Variants in VSTM2L observed in about 807,000 individuals in gnomAD.
VSTM2L encodes the protein V-set and transmembrane domain-containing protein 2-like protein.
Under a neutral mutation model 19.9 loss-of-function variants are expected in VSTM2L, and 9 were observed. The observed-to-expected ratio is 0.45, with a 90% CI of 0.27 to 0.79. The LOEUF is 0.79. VSTM2L is among the 30% of genes least tolerant of loss of function. The pLI, the probability that VSTM2L is intolerant of heterozygous loss-of-function variation, is 0.15. For missense variants in VSTM2L, 286 were observed against 295.5 expected (o/e 0.97, Z 0.24); for synonymous variants, 127 against 133.8 (o/e 0.95, Z 0.35).
intron 3 of VSTM2L, 52 bp downstream of exon 3, chr20:37,933,641 T>C (rs774719832): frequency 6.3e-7 from 1 of 1,594,094 alleles, no homozygotes; most frequent in Non-Finnish European, 8.6e-7. Flanking sequence ...GGCACAGCTG[T>C]GACTTAAAAA....
At chr20:37,920,742 C>T (rs1384402571) in intron 1 of VSTM2L, among the ~76,000 whole-genome samples, 2 of 152,146 alleles carry the variant, frequency 1.3e-5, no homozygotes. Flanking sequence ...GGGCACAGTC[C>T]CCCCAGGAAA....
chr20:37,906,466 G>A (rs1168708964), intron 1 of VSTM2L, among the ~76,000 whole-genome samples: 1 of 152,220 alleles, frequency 6.6e-6, no homozygotes, highest in Non-Finnish European at 1.5e-5. Context: ...CAGCAGGGAT[G>A]GGAGGAAAAG....
intron 1 of VSTM2L, among the ~76,000 whole-genome samples, chr20:37,925,716 C>T (rs2072875750): frequency 6.6e-6 from 1 of 152,228 alleles, no homozygotes; most frequent in South Asian, 2.1e-4. Context: ...GTAGGCAGCT[C>T]CTGGCCAGCT....
At chr20:37,933,661 G>T (rs892203930) in intron 3 of VSTM2L, 72 bp downstream of exon 3, 10 of 1,486,784 alleles carry the variant, frequency 6.7e-6, no homozygotes, top group Middle Eastern at 1.7e-4. Flanking sequence ...AAAAATTGGG[G>T]TCCAGTTCAG....
At position 37,943,908 on chromosome 20, in the gene VSTM2L, A is replaced by ACCC. The variant is rs11365082; in HGVS notation, c.343-64_343-62dup. 95 of 178,306 alleles carry ACCC rather than the reference A, an allele frequency of 5.3e-4. 2 individuals carry two copies. The highest frequency in any genetic ancestry group is 3.5e-3 in the African/African-American group (90 of 25,496). The allele number at this position is 178,306 out of a possible 1,614,324, so 11.0% of individuals were successfully genotyped here. On this transcript the variant is annotated intron_variant, in intron 3 of 3. Coordinates refer to ENST00000373461, the MANE Select transcript of VSTM2L (RefSeq NM_080607.3). ...TCCCGTCCTAGCATGCGATCTTGGGACCCCCCCCCCCGACTCTTCTTCTCC... is the reference window on the plus strand; with the variant it reads ...TCCCGTCCTAGCATGCGATCTTGGGACCCCCCCCCCCCCCGACTCTTCTTCTCC...
rs75422860 is a variant in VSTM2L, at chr20:37,933,305, A to G, written c.292-234A>G. On this transcript the variant is annotated intron_variant, in intron 2 of 3. Transcript: ENST00000373461. Reference sequence around the variant, plus strand: ...TGTATCTAAATGCACAAATGTGGTCAGTTTTCTACATACCTCCATTATCTT... The same window carrying G: ...TGTATCTAAATGCACAAATGTGGTCGGTTTTCTACATACCTCCATTATCTT... Among the ~76,000 whole-genome samples, 1,153 of 152,348 alleles carry G rather than the reference A, an allele frequency of 7.6e-3. 6 individuals are homozygous for G. Among genetic ancestry groups the G allele is most frequent in the Non-Finnish European group, 0.013 (852 of 68,024 alleles).
At chr20:37,919,544 G>T (rs1004093926) in intron 1 of VSTM2L, among the ~76,000 whole-genome samples, 1 of 152,240 alleles carries the variant, frequency 6.6e-6, no homozygotes, top group Non-Finnish European at 1.5e-5. Flanking sequence ...ACAGGCGGTT[G>T]GGCTGGGACC....
At chr20:37,927,736 G>A (rs2072886579) in intron 1 of VSTM2L, among the ~76,000 whole-genome samples, 1 of 152,216 alleles carries the variant, frequency 6.6e-6, no homozygotes, top group Non-Finnish European at 1.5e-5. Flanking sequence ...AGGAGACTGA[G>A]TGGGGATGAA....
chr20:37,910,611 A>G (rs1008552398), intron 1 of VSTM2L, among the ~76,000 whole-genome samples: 1 of 152,198 alleles, frequency 6.6e-6, no homozygotes, highest in African/African-American at 2.4e-5. Context: ...AACTGAACCC[A>G]TAAAGAATAT....
intron 3 of VSTM2L, among the ~76,000 whole-genome samples, chr20:37,938,473 AGGCCACGTGAAGGC>A: frequency 6.6e-6 from 1 of 152,276 alleles, no homozygotes; most frequent in East Asian, 1.9e-4. Context: ...CTCTGCCAGG[AGGCCACGTGAAGGC>A]AAGGGTTGGC....
intron 1 of VSTM2L, among the ~76,000 whole-genome samples, chr20:37,919,066 G>C (rs2072835967): frequency 6.6e-6 from 1 of 152,196 alleles, no homozygotes; most frequent in Non-Finnish European, 1.5e-5. Context: ...CCTGAGGGCA[G>C]GGGCCTGATC....
At chr20:37,920,104 G>C (rs1024376264) in intron 1 of VSTM2L, among the ~76,000 whole-genome samples, 2 of 152,036 alleles carry the variant, frequency 1.3e-5, no homozygotes, top group Admixed American at 1.3e-4. Context: ...AGAGGCTGTC[G>C]ATGCCCCCTT....
At position 37,903,264 on chromosome 20, in the gene VSTM2L, G is replaced by A. The variant is rs1221398963; in HGVS notation, c.-87G>A. 29 of 1,264,742 alleles carry A rather than the reference G, an allele frequency of 2.3e-5. No individual in the cohort carries two copies. Among genetic ancestry groups the A allele is most frequent in the Non-Finnish European group, 2.9e-5 (29 of 1,005,190 alleles). 78.3% of individuals were successfully genotyped at this position (1,264,742 alleles called of 1,614,324 possible). On this transcript the variant is annotated 5_prime_UTR_variant, in exon 1 of 4. Transcript: ENST00000373461. ...GCTGCCGGAGCCGGGCAGCCAGGCC[G>A]CTCAGGGCAGGGGACAGCTGGCGCC...
At chr20:37,940,507 G>T (rs945704292) in intron 3 of VSTM2L, among the ~76,000 whole-genome samples, 78 of 152,246 alleles carry the variant, frequency 5.1e-4, no homozygotes, top group African/African-American at 1.8e-3. Flanking sequence ...GGCCCTGCCA[G>T]CACTGGTGGC....
intron 1 of VSTM2L, among the ~76,000 whole-genome samples, chr20:37,922,260 A>G (rs1313746839): frequency 6.6e-6 from 1 of 151,720 alleles, no homozygotes; most frequent in Non-Finnish European, 1.5e-5. Context: ...GAATCACACC[A>G]TATTTGTCTT....
chr20:37,903,144 G>C lies in VSTM2L; in HGVS notation c.-207G>C, dbSNP rs2072730228. 1.8e-6 allele frequency: 1 copy of C among 569,800 alleles called. No individual in the cohort carries two copies. The highest frequency in any genetic ancestry group is 8.8e-5 in the South Asian group (1 of 11,422). The allele number at this position is 569,800 out of a possible 1,614,324, so 35.3% of individuals were successfully genotyped here. On this transcript the variant is annotated 5_prime_UTR_variant, in exon 1 of 4. Transcript: ENST00000373461. ...AGAGTCCCGCAGTCGGAGGCGGCCG[G>C]CTGGGCGTGCGCTCGCTCCCCGAAG...
chr20:37,920,301 A>G (rs2072843010), intron 1 of VSTM2L, among the ~76,000 whole-genome samples: 1 of 152,200 alleles, frequency 6.6e-6, no homozygotes, highest in Non-Finnish European at 1.5e-5. Context: ...GCCCAGCAGG[A>G]TCACTGTGAG....
At chr20:37,917,673 C>T (rs1201016534) in intron 1 of VSTM2L, among the ~76,000 whole-genome samples, 2 of 152,220 alleles carry the variant, frequency 1.3e-5, no homozygotes, top group Non-Finnish European at 2.9e-5. Flanking sequence ...CTGGGCTCCC[C>T]CTCGCCCTAG....
chr20:37,911,848 A>G (rs1292542866), intron 1 of VSTM2L, among the ~76,000 whole-genome samples: 1 of 152,136 alleles, frequency 6.6e-6, no homozygotes, highest in East Asian at 1.9e-4. Flanking sequence ...CTGTATACTT[A>G]GAAACCACAT....
Sources: gnomAD v4.1 joint callset for allele counts (sites outside exome capture counted in the v4.1 genomes callset) on GRCh38, gnomAD v4.1.1 for gene constraint, MANE v1.5 for transcripts, NCBI Gene and HGNC (gene_info 2026-07-23, HGNC 2026-07-21) for gene names.